ME3: variants seen among roughly 807,000 people sequenced by gnomAD.
The protein encoded by ME3 is malic enzyme 3.
Under a neutral mutation model 68.9 loss-of-function variants are expected in ME3, and 48 were observed. The ratio of observed to expected loss-of-function variants is 0.70; its 90% CI spans 0.55 to 0.89. ME3 has a LOEUF of 0.89. ME3 is among the 40% of genes least tolerant of loss of function. The pLI is 0.00. For synonymous variants in ME3, 320 were observed against 318.8 expected, an observed-to-expected ratio of 1.00 and a Z score of -0.04; for missense variants, 675 against 797.4, an observed-to-expected ratio of 0.85 and a Z score of 1.85.
At chr11:86,655,568 G>A (rs201899523) in intron 2 of ME3, among the ~76,000 whole-genome samples, 104 of 151,886 alleles carry the variant, frequency 6.8e-4, no homozygotes, top group Middle Eastern at 6.8e-3. Flanking sequence ...AAACTGGATC[G>A]CTTCCTTATA....
intron 2 of ME3, among the ~76,000 whole-genome samples, chr11:86,650,510 A>G (rs963446062): frequency 1.3e-5 from 2 of 152,244 alleles, no homozygotes; most frequent in Non-Finnish European, 2.9e-5. Context: ...CTAGCATCAG[A>G]GTGAGCAGGC....
At chr11:86,544,435 A>G (rs1956240765) in intron 4 of ME3, among the ~76,000 whole-genome samples, 1 of 152,194 alleles carries the variant, frequency 6.6e-6, no homozygotes, top group African/African-American at 2.4e-5. Flanking sequence ...AAAAGAGAGA[A>G]GAATCAAATA....
intron 2 of ME3, among the ~76,000 whole-genome samples, chr11:86,595,280 T>A (rs1422459842): frequency 3.7e-5 from 4 of 109,004 alleles, no homozygotes; most frequent in African/African-American, 1.4e-4. Context: ...ATTTTACATA[T>A]ATATACATAT....
At chr11:86,547,501 G>A (rs1201674372) in intron 4 of ME3, among the ~76,000 whole-genome samples, 1 of 151,990 alleles carries the variant, frequency 6.6e-6, no homozygotes, top group Non-Finnish European at 1.5e-5. Flanking sequence ...GGTTGGGGGA[G>A]TGATAGCATT....
chr11:86,509,059 C>T, intron 4 of ME3, among the ~76,000 whole-genome samples, 192 bp from the exon 5 acceptor site: 1 of 152,206 alleles, frequency 6.6e-6, no homozygotes, highest in Non-Finnish European at 1.5e-5. Context: ...CTCCACAGGG[C>T]AAGGAGTCCA....
In ME3 at chr11:86,628,351, A is replaced by G. The variant is rs192782172; in HGVS notation, c.183+43411T>C. 8.5e-5 allele frequency among the ~76,000 whole-genome samples: 13 copies of G among 152,260 alleles called. 1 individual carries two copies. Among genetic ancestry groups the G allele is most frequent in the East Asian group, 7.7e-4 (4 of 5,182 alleles). On this transcript the variant is annotated intron_variant, in intron 2 of 14. Transcript: ENST00000543262. The stretch of plus-strand genomic sequence containing the variant: ...GGGCCCTGGTCCTGGGGCAGCAGAT[A>G]TTTAAACAGCTCCAGCTTCCCCTTC...
chr11:86,468,450 C>A (rs1405079196), intron 7 of ME3, among the ~76,000 whole-genome samples: 1 of 152,184 alleles, frequency 6.6e-6, no homozygotes, highest in African/African-American at 2.4e-5. Flanking sequence ...TCCATCCATC[C>A]ATTCACCCAT....
At chr11:86,550,740 T>C (rs1956624218) in intron 4 of ME3, among the ~76,000 whole-genome samples, 1 of 152,012 alleles carries the variant, frequency 6.6e-6, no homozygotes, top group Admixed American at 6.6e-5. Flanking sequence ...TTGTGTGTAT[T>C]CCCAACCAAC....
At chr11:86,516,712 T>C (rs1443413771) in intron 4 of ME3, among the ~76,000 whole-genome samples, 3 of 152,186 alleles carry the variant, frequency 2.0e-5, no homozygotes, top group African/African-American at 7.2e-5. Context: ...TCTAAAATTA[T>C]ATTGTATGTG....
At position 86,448,274 on chromosome 11, in the gene ME3, A is replaced by G; in HGVS notation, c.1132-19T>C. The G allele has an allele frequency of 6.3e-7, 1 of 1,590,596 alleles. No homozygotes were observed. Among genetic ancestry groups the G allele is most frequent in the Non-Finnish European group, 8.6e-7 (1 of 1,158,656 alleles). ...TCCTCCCCTACAGGAAAAGGAACAC[A>G]GAGCAGTTGTGGTCGTGATGGCCTG... is the stretch of plus-strand genomic sequence containing the variant. On this transcript the variant is annotated intron_variant, in intron 10 of 14. Coordinates refer to ENST00000543262, the Ensembl canonical transcript of ME3.
chr11:86,436,933 T>C (rs531307290), downstream of ME3: 8 of 152,184 alleles, frequency 5.3e-5, no homozygotes, highest in Non-Finnish European at 1.2e-4. Flanking sequence ...CAGTCCTTTT[T>C]TGGTATAAAT....
intron 10 of ME3, among the ~76,000 whole-genome samples, chr11:86,449,491 A>G (rs1356083885): frequency 6.6e-6 from 1 of 152,216 alleles, no homozygotes; most frequent in Non-Finnish European, 1.5e-5. Flanking sequence ...CACTATCAGA[A>G]GATAAGGAGG....
intron 5 of ME3, among the ~76,000 whole-genome samples, chr11:86,506,100 A>G (rs947825721): frequency 3.0e-4 from 46 of 152,282 alleles, no homozygotes; most frequent in African/African-American, 1.1e-3. Flanking sequence ...ATGTTTACTA[A>G]AAGATGGTTG....
At chr11:86,567,719 C>A (rs117307465) in intron 2 of ME3, among the ~76,000 whole-genome samples, 2,224 of 152,292 alleles carry the variant, frequency 0.015, 26 homozygotes, top group Non-Finnish European at 0.023. Context: ...CTTGAAGCTA[C>A]TTTTCATCCT....
chr11:86,499,684 G>A (rs1952593806), intron 5 of ME3, among the ~76,000 whole-genome samples: 1 of 152,162 alleles, frequency 6.6e-6, no homozygotes, highest in African/African-American at 2.4e-5. Flanking sequence ...GGTCTCTGGA[G>A]AGTGCAAGAG....
intron 2 of ME3, among the ~76,000 whole-genome samples, chr11:86,610,298 C>T (rs1031027097): frequency 4.0e-5 from 6 of 151,808 alleles, no homozygotes; most frequent in African/African-American, 7.3e-5. Context: ...TTCATATTAT[C>T]GTTATATTTT....
chr11:86,550,716 A>G (rs543153303), intron 4 of ME3, among the ~76,000 whole-genome samples: 23 of 151,878 alleles, frequency 1.5e-4, no homozygotes, highest in Admixed American at 3.9e-4. Context: ...TGCTGGGAGT[A>G]TGTGTGTGTG....
intron 2 of ME3, among the ~76,000 whole-genome samples, chr11:86,603,593 G>A (rs1351237648): frequency 6.6e-6 from 1 of 152,126 alleles, no homozygotes; most frequent in Non-Finnish European, 1.5e-5. Context: ...TCCCATTACT[G>A]GGTATATACC....
At chr11:86,476,721 C>T (rs1403360562) in intron 7 of ME3, among the ~76,000 whole-genome samples, 1 of 152,182 alleles carries the variant, frequency 6.6e-6, no homozygotes, top group Non-Finnish European at 1.5e-5. Context: ...GAGAGCAAAA[C>T]TGAATAGGTC....
Sources: allele counts gnomAD v4.1 joint callset (sites outside exome capture counted in the v4.1 genomes callset), GRCh38; gene constraint gnomAD v4.1.1; transcripts MANE v1.5; gene names NCBI Gene and HGNC (gene_info 2026-07-23, HGNC 2026-07-21).